NUP210: variants seen among roughly 807,000 people sequenced by gnomAD.
NUP210 encodes nucleoporin 210, also known as nuclear pore membrane glycoprotein 210.
A neutral mutation model predicts 196.0 loss-of-function variants in NUP210; 151 were observed. The ratio of observed to expected loss-of-function variants is 0.77; its 90% CI spans 0.67 to 0.88. NUP210 has a LOEUF of 0.88. Ranked by LOEUF, NUP210 falls within the 40% of genes least tolerant of loss-of-function variation. NUP210 has a pLI of 0.00. For synonymous variants in NUP210, 1,070 were observed against 1,052.7 expected, an observed-to-expected ratio of 1.02 and a Z score of -0.32; for missense variants, 2,314 against 2,493.7, an observed-to-expected ratio of 0.93 and a Z score of 1.53.
intron 1 of NUP210, among the ~76,000 whole-genome samples, chr3:13,415,177 G>A (rs1476950004): frequency 6.6e-6 from 1 of 152,222 alleles, no homozygotes; most frequent in South Asian, 2.1e-4. Flanking sequence ...GCAGTGTGCC[G>A]AGATCGTGCC....
At chr3:13,319,419 C>T in intron 37 of NUP210, 94 bp from the exon 38 acceptor site, 5 of 1,038,358 alleles carry the variant, frequency 4.8e-6, no homozygotes, top group Non-Finnish European at 7.3e-6. Context: ...CAGGGCAGTC[C>T]ACAGGTCCCT....
rs200626689 is a variant in NUP210 at position 13,335,571 on chromosome 3, G to A, written c.3726C>T (p.Asn1242=). ...TCCGGCCTTTTACCCGGCCGAGCACGTTCATGGCAAAGTTGTACTGTGACG... is the reference window on the plus strand; with the variant it reads ...TCCGGCCTTTTACCCGGCCGAGCACATTCATGGCAAAGTTGTACTGTGACG... The part of the protein sequence containing the change: ...RLPSQYNFAM[N]VLGRVKGRTG... Residue 1242 remains asparagine, a synonymous_variant, in exon 28 of 40, where the codon AAC becomes AAT. Coordinates refer to ENST00000254508, the MANE Select transcript of NUP210 (RefSeq NM_024923.4). The A allele has an allele frequency of 2.6e-5, 42 of 1,614,122 alleles. No homozygotes were observed. Among genetic ancestry groups the A allele is most frequent in the Admixed American group, 3.3e-5 (2 of 60,032 alleles).
chr3:13,384,183 G>A lies in NUP210; in HGVS notation c.817+2092C>T, dbSNP rs899427234. On this transcript the variant is annotated intron_variant, in intron 6 of 39. Transcript: ENST00000254508. ...TCACCATGTTGGTCAGGCTGGTCTCGAACCCCTGACCTCGTGATCCGCCCG... is the reference window on the plus strand; with the variant it reads ...TCACCATGTTGGTCAGGCTGGTCTCAAACCCCTGACCTCGTGATCCGCCCG... Among the ~76,000 whole-genome samples, 4 of 151,756 alleles carry A rather than the reference G, an allele frequency of 2.6e-5. No individual in the cohort carries two copies. In the East Asian group the frequency reaches 5.8e-4, roughly 22 times the overall value.
At chr3:13,337,289 C>G (rs532071791) in intron 26 of NUP210, among the ~76,000 whole-genome samples, 6 of 152,250 alleles carry the variant, frequency 3.9e-5, no homozygotes, top group African/African-American at 1.4e-4. Context: ...GCTCACAGGG[C>G]ACGTGTGGGT....
At chr3:13,358,535 G>A (rs1698266113) in intron 15 of NUP210, 140 bp from the exon 16 acceptor site, 5 of 806,744 alleles carry the variant, frequency 6.2e-6, no homozygotes, top group Admixed American at 6.2e-5. Context: ...CCATGCCACA[G>A]GGTCTTAACA....
chr3:13,405,420 G>A (rs935776621), intron 1 of NUP210, among the ~76,000 whole-genome samples: 13 of 152,120 alleles, frequency 8.5e-5, no homozygotes, highest in Admixed American at 3.3e-4. Flanking sequence ...CCAGCTGAAT[G>A]CAGCTCTTAG....
rs1255361503 is a variant in NUP210, at chr3:13,319,316, C to A, written c.5393G>T (p.Ser1798Ile). 1 of 1,608,818 alleles carries A rather than the reference C, an allele frequency of 6.2e-7. No homozygotes were observed. Among genetic ancestry groups the A allele is most frequent in the Non-Finnish European group, 8.5e-7 (1 of 1,177,380 alleles). ...DRRGPGPYGA[S>I]LFQHFLDSYQ... is the part of the protein sequence containing the mutation. ...GGAATCCAGGAAGTGCTGGAAGAGG[C>A]TGGCTCCATCTGCCATCAATGGGAA... Residue 1798 changes from serine to isoleucine, a missense_variant, in exon 38 of 40, where the codon AGC (serine) becomes ATC (isoleucine). Coordinates refer to ENST00000254508, the MANE Select transcript of NUP210 (RefSeq NM_024923.4).
intron 25 of NUP210, 143 bp downstream of exon 25, chr3:13,339,711 C>T: frequency 1.4e-6 from 1 of 730,098 alleles, no homozygotes; most frequent in Non-Finnish European, 2.3e-6. Context: ...TGTCCTGCAC[C>T]AGGGCCCCTG....
rs146771606 is a variant in NUP210 at position 13,319,884 on chromosome 3, G to T, written c.5262C>A (p.Pro1754=). Residue 1754 remains proline (P), a synonymous_variant, in exon 37 of 40, where the codon CCC becomes CCA. Transcript: ENST00000254508. ...ACAGAGGCCCTTGGCTGCCAGCCGC[G>T]GGGTCCAAGACGCCGACCGTGTATG... The part of the protein sequence containing the change: ...FITYTVGVLD[P]AAGSQGPLST... 6.2e-7 allele frequency: 1 copy of T among 1,614,184 alleles called. No individual in the cohort carries two copies. Among genetic ancestry groups the T allele is most frequent in the South Asian group, 1.1e-5 (1 of 91,088 alleles).
rs1403649261 is a variant in NUP210, at chr3:13,321,671, C to T, written c.5080G>A (p.Asp1694Asn). 10 of 1,613,948 alleles carry T rather than the reference C, an allele frequency of 6.2e-6. No individual in the cohort carries two copies. The Admixed American group carries it at 1.0e-4, about 16-fold the overall frequency. Reference sequence around the variant, plus strand: ...TTGCTCAAAAGGATTTCAGCCTGGTCGGCGAAGAGACCTGGGCTGAAGGGC... The same window carrying T: ...TTGCTCAAAAGGATTTCAGCCTGGTTGGCGAAGAGACCTGGGCTGAAGGGC... ...EVPFSPGLFA[D>N]QAEILLSNHY... The change falls in exon 36 of 40, where the codon GAC becomes AAC. Residue 1694 changes from aspartate to asparagine, a missense_variant. Asp to Asn is a conservative substitution (Grantham distance 23). Transcript: ENST00000254508.
intron 27 of NUP210, among the ~76,000 whole-genome samples, chr3:13,336,520 G>A (rs1697221578): frequency 6.6e-6 from 1 of 152,210 alleles, no homozygotes; most frequent in African/African-American, 2.4e-5. Context: ...GTCAGAAGCT[G>A]CAGACTCTGA....
intron 1 of NUP210, among the ~76,000 whole-genome samples, chr3:13,402,709 A>C (rs1205891746): frequency 1.1e-5 from 1 of 94,292 alleles, no homozygotes; most frequent in African/African-American, 1.0e-4. Context: ...TTTTCCGTCA[A>C]AAAAAAAAGT....
Position 13,340,364 on chromosome 3 carries a change from C to T in NUP210, c.3229-66G>A. ...AGCCCATGGCGCCAAGCATAACTCA[C>T]ACACTACATGTTTCATGAGAGGAAA... On this transcript the variant is annotated intron_variant, in intron 23 of 39. Transcript: ENST00000254508. This position sits in a 1 kb window ranked among gnomAD's most constrained non-coding sequence, Gnocchi z 4.0. 2 of 1,392,476 alleles carry T rather than the reference C, an allele frequency of 1.4e-6. No individual in the cohort carries two copies. The highest frequency in any genetic ancestry group is 2.0e-6 in the Non-Finnish European group (2 of 982,082). 86.3% of individuals were successfully genotyped at this position (1,392,476 alleles called of 1,614,324 possible). A position where few individuals can be genotyped will look rare whatever the true frequency, so the allele number is the denominator to read the frequency against.
rs543424729 is a variant in NUP210 at position 13,317,630 on chromosome 3, G to A, written c.*51C>T. On this transcript the variant is annotated 3_prime_UTR_variant, in exon 40 of 40. Transcript: ENST00000254508. The stretch of plus-strand genomic sequence containing the variant: ...AATGCAGCAGGGATGTTCCATCTTG[G>A]GGGTGCACGAGGCTCGGCTGAGACC... 7.7e-7 allele frequency: 1 copy of A among 1,306,516 alleles called. No individual in the cohort carries two copies. Among genetic ancestry groups the A allele is most frequent in the Non-Finnish European group, 1.1e-6 (1 of 923,132 alleles). The allele number at this position is 1,306,516 out of a possible 1,614,324, so 80.9% of individuals were successfully genotyped here. A position where few individuals can be genotyped will look rare whatever the true frequency, so the allele number is the denominator to read the frequency against.
chr3:13,410,064 G>T (rs1559350664), intron 1 of NUP210, among the ~76,000 whole-genome samples: 2 of 148,652 alleles, frequency 1.3e-5, no homozygotes, highest in Non-Finnish European at 3.0e-5. Context: ...GTTTCACCGT[G>T]TTGCCCAGGC....
chr3:13,373,988 C>A, intron 11 of NUP210, 115 bp from the exon 12 acceptor site: 2 of 1,229,482 alleles, frequency 1.6e-6, no homozygotes, highest in Non-Finnish European at 2.3e-6. Context: ...ACACATTTAT[C>A]CTCACACTCA....
At chr3:13,418,353 G>C (rs1445757412) in intron 1 of NUP210, among the ~76,000 whole-genome samples, 4 of 152,224 alleles carry the variant, frequency 2.6e-5, no homozygotes, top group Admixed American at 2.6e-4. Flanking sequence ...AGCACTTTGG[G>C]AGGCAGAGGC....
At chr3:13,358,046 CT>C (rs1313470367) in intron 16 of NUP210, among the ~76,000 whole-genome samples, 175 bp downstream of exon 16, 4 of 152,218 alleles carry the variant, frequency 2.6e-5, no homozygotes, top group African/African-American at 9.6e-5. Flanking sequence ...TGTGTGTCCC[CT>C]GCATATAAAA....
intron 3 of NUP210, among the ~76,000 whole-genome samples, chr3:13,392,500 T>C (rs1275556846): frequency 1.3e-5 from 2 of 152,224 alleles, no homozygotes; most frequent in South Asian, 4.1e-4. Flanking sequence ...AATTAATCTG[T>C]CTTCCTAACA....
Sources: gnomAD v4.1 joint callset for allele counts (sites outside exome capture counted in the v4.1 genomes callset) on GRCh38, gnomAD v4.1.1 for gene constraint, Gnocchi (gnomAD v3.1) non-coding constraint, MANE v1.5 for transcripts, NCBI Gene and HGNC (gene_info 2026-07-23, HGNC 2026-07-21) for gene names.